The following FNIP2 variants were observed in gnomAD, a reference collection of about 807,000 sequenced individuals.
FNIP2 encodes the protein folliculin-interacting protein 2.
In FNIP2, 32 loss-of-function variants were observed where a neutral mutation model predicts 108.7. The observed-to-expected ratio is 0.29, with a 90% CI of 0.22 to 0.40. The LOEUF (loss-of-function observed/expected upper bound fraction) is 0.40, where lower values mean the gene tolerates loss of function less well. Among genes scored for constraint, FNIP2 ranks in the 10% least tolerant of loss-of-function variants. The pLI is 1.00. For missense variants in FNIP2, 1,202 were observed against 1,381.6 expected, an observed-to-expected ratio of 0.87 and a Z score of 2.06; for synonymous variants, 480 against 496.7, an observed-to-expected ratio of 0.97 and a Z score of 0.45.
In FNIP2 at chr4:158,868,426, G is replaced by A. The variant is rs1780719636; in HGVS notation, c.1790G>A (p.Gly597Glu). ...AAERHNPWPT[G>E]FPECPEGTDS... ...GAGAGACACAACCCCTGGCCGACAG[G>A]GTTTCCTGAGTGCCCAGAGGGCACT... is the stretch of plus-strand genomic sequence containing the variant. Residue 597 changes from glycine to glutamate, a missense_variant, in exon 13 of 17, where the codon GGG (glycine) becomes GAG (glutamate). By Grantham distance (98) the Gly-to-Glu change is moderately conservative (BLOSUM62 -2). Around this residue, in one of 5 missense-constraint regions of FNIP2, gnomAD observed 878 missense variants for 990.3 expected, o/e 0.89. Coordinates refer to ENST00000264433, the MANE Select transcript of FNIP2 (RefSeq NM_020840.3). This position sits in a 1 kb window ranked among gnomAD's most constrained non-coding sequence, Gnocchi z 4.6. The A allele has an allele frequency of 6.2e-7, 1 of 1,614,000 alleles. No individual in the cohort carries two copies.
chr4:158,781,154 A>T (rs72695428), intron 1 of FNIP2, among the ~76,000 whole-genome samples: 1 of 152,030 alleles, frequency 6.6e-6, no homozygotes. Context: ...ACAAAACAGT[A>T]GTTCAGGACC....
At chr4:158,871,575 G>C in intron 14 of FNIP2, 1 of 985,280 alleles carries the variant, frequency 1.0e-6, no homozygotes, top group Non-Finnish European at 1.2e-6. Flanking sequence ...TCCCTCAATG[G>C]GGAGGGCTAA....
intron 7 of FNIP2, among the ~76,000 whole-genome samples, chr4:158,842,854 C>G (rs943297710): frequency 6.6e-6 from 1 of 151,792 alleles, no homozygotes. Context: ...TTTTGAGGAC[C>G]CTTTAAAGTC....
chr4:158,896,682 C>G (rs1178769534), intron 16 of FNIP2, among the ~76,000 whole-genome samples: 3 of 152,030 alleles, frequency 2.0e-5, no homozygotes, highest in Non-Finnish European at 4.4e-5. Context: ...TTGGCATTTC[C>G]TGTCATAGAT....
chr4:158,850,822 G>T (rs185766114), intron 7 of FNIP2, among the ~76,000 whole-genome samples: 1 of 151,920 alleles, frequency 6.6e-6, no homozygotes, highest in Non-Finnish European at 1.5e-5. Context: ...TAGTTATGTT[G>T]TGTGGACCAT....
At chr4:158,895,630 A>C (rs1782600976) in intron 15 of FNIP2, 120 bp from the exon 16 acceptor site, 2 of 650,552 alleles carry the variant, frequency 3.1e-6, no homozygotes, top group Admixed American at 4.8e-5. Flanking sequence ...TTTTAAGTGT[A>C]TTTGAAACTG....
At chr4:158,891,928 CTG>C (rs1206249653) in intron 15 of FNIP2, among the ~76,000 whole-genome samples, 2 of 152,052 alleles carry the variant, frequency 1.3e-5, no homozygotes, top group African/African-American at 2.4e-5. Flanking sequence ...TAAAAGGAAA[CTG>C]TAAATCATCC....
chr4:158,789,041 CA>C (rs1776313690), intron 1 of FNIP2, among the ~76,000 whole-genome samples: 1 of 152,154 alleles, frequency 6.6e-6, no homozygotes, highest in Admixed American at 6.5e-5. Flanking sequence ...TAGGTCCTGG[CA>C]GTGGTGGATG....
In FNIP2 at chr4:158,895,819, C is replaced by T. The variant is rs201986504; in HGVS notation, c.3220C>T (p.Arg1074Trp). 693 of 1,613,096 alleles carry T rather than the reference C, an allele frequency of 4.3e-4. 1 individual carries two copies. Among genetic ancestry groups the T allele is most frequent in the Non-Finnish European group, 4.2e-4 (499 of 1,179,538 alleles). ...LKSKMLSEYL[R>W]GHTRVHVKEL... ...AAGTAAAATGCTATCTGAATATCTC[C>T]GGGGACACACACGAGTCCATGTGAA... Residue 1074 changes from arginine (R) to tryptophan (W), a missense_variant, in exon 16 of 17, where the codon CGG becomes TGG. Physicochemically the swap from Arg to Trp is moderately radical, Grantham distance 101. This residue lies in a region of FNIP2 where 142 missense variants were observed against 183.8 expected (regional missense o/e 0.77). Transcript: ENST00000264433.
chr4:158,872,751 T>TTTA, intron 14 of FNIP2: 1 of 752,522 alleles, frequency 1.3e-6, no homozygotes, highest in Non-Finnish European at 1.6e-6. Flanking sequence ...TTTTTTTTTT[T>TTTA]AAAAAACAGG....
intron 16 of FNIP2, among the ~76,000 whole-genome samples, chr4:158,898,921 G>T (rs557062059): frequency 2.0e-5 from 3 of 152,296 alleles, no homozygotes; most frequent in Non-Finnish European, 4.4e-5. Context: ...GTCTTGTGCT[G>T]GTTTCCAAAG....
At chr4:158,830,121 G>A (rs1291008223) in intron 3 of FNIP2, among the ~76,000 whole-genome samples, 1 of 151,996 alleles carries the variant, frequency 6.6e-6, no homozygotes, top group Non-Finnish European at 1.5e-5. Context: ...TGAAGGAGGT[G>A]GGTGGAAGTT....
intron 6 of FNIP2, chr4:158,834,737 A>G (rs1029402643): frequency 6.6e-6 from 1 of 152,292 alleles, no homozygotes; most frequent in African/African-American, 2.4e-5. Flanking sequence ...TATACAGCTT[A>G]GGTCAATCTG....
At chr4:158,856,287 ATACATAGGTTCAG>A (rs1455629927) in intron 8 of FNIP2, among the ~76,000 whole-genome samples, 4 of 152,220 alleles carry the variant, frequency 2.6e-5, no homozygotes, top group Non-Finnish European at 4.4e-5. Flanking sequence ...GTCCAATGTA[ATACATAGGTTCAG>A]TATAAGTTCA....
At chr4:158,831,482 A>G (rs928767943) in intron 3 of FNIP2, among the ~76,000 whole-genome samples, 2 of 152,104 alleles carry the variant, frequency 1.3e-5, no homozygotes, top group Non-Finnish European at 2.9e-5. Context: ...ACCGAACCAT[A>G]TTTTTTTCAG....
Position 158,791,340 on chromosome 4 carries a change from A to G in FNIP2, c.107+22021A>G, listed in dbSNP as rs574232967. On this transcript the variant is annotated intron_variant, in intron 1 of 16. Coordinates refer to ENST00000264433, the MANE Select transcript of FNIP2 (RefSeq NM_020840.3). ...GCTCTGTCACCCAGGCTGGAGTGCA[A>G]TGGTGCGATCTCAGCTCACTGCAAC... 3.0e-3 allele frequency among the ~76,000 whole-genome samples: 400 copies of G among 133,906 alleles called. 3 individuals carry two copies. Among genetic ancestry groups the G allele is most frequent in the African/African-American group, 0.011 (379 of 35,090 alleles). 87.8% of individuals were successfully genotyped at this position (133,906 alleles called of 152,430 possible). A position where few individuals can be genotyped will look rare whatever the true frequency, so the allele number is the denominator to read the frequency against.
At chr4:158,885,194 A>G (rs1382653650) in intron 14 of FNIP2, among the ~76,000 whole-genome samples, 1 of 152,108 alleles carries the variant, frequency 6.6e-6, no homozygotes, top group Admixed American at 6.5e-5. Flanking sequence ...AGAACTCACT[A>G]TCACGAGAAT....
intron 1 of FNIP2, among the ~76,000 whole-genome samples, chr4:158,796,405 G>C (rs899245777): frequency 5.9e-5 from 8 of 136,082 alleles, no homozygotes; most frequent in Non-Finnish European, 1.4e-4. Flanking sequence ...TTGTTCTAGA[G>C]CTTATTGTTC....
In FNIP2 at chr4:158,835,583, T is replaced by C. The variant is rs192598353; in HGVS notation, c.727+107T>C. 2.0e-5 allele frequency: 19 copies of C among 970,444 alleles called. No individual in the cohort carries two copies. The Admixed American group carries it at 3.4e-4, about 17-fold the overall frequency. The allele number at this position is 970,444 out of a possible 1,614,324, so 60.1% of individuals were successfully genotyped here. On this transcript the variant is annotated intron_variant, in intron 7 of 16. Coordinates refer to ENST00000264433, the MANE Select transcript of FNIP2 (RefSeq NM_020840.3). ...TAGATAACCCTCATCCTGTTCTTTG[T>C]TTTTTCCTTCCTAAGATAGTCTGAC... is the stretch of plus-strand genomic sequence containing the variant.
Sources: allele counts gnomAD v4.1 joint callset (sites outside exome capture counted in the v4.1 genomes callset), GRCh38; gene constraint gnomAD v4.1.1; regional missense constraint gnomAD v4.1.1; non-coding constraint Gnocchi (gnomAD v3.1); transcripts MANE v1.5; gene names NCBI Gene and HGNC (gene_info 2026-07-23, HGNC 2026-07-21).